Variants in BMPR1B observed in about 807,000 individuals in gnomAD.
BMPR1B encodes bone morphogenetic protein receptor type 1B, also known as bone morphogenetic protein receptor type-1B.
A neutral mutation model predicts 59.1 loss-of-function variants in BMPR1B; 12 were observed. That is an observed-to-expected ratio of 0.20 (90% confidence interval 0.13 to 0.33). The LOEUF (loss-of-function observed/expected upper bound fraction) is 0.33, where lower values mean the gene tolerates loss of function less well. Ranked by LOEUF, BMPR1B falls within the 10% of genes least tolerant of loss-of-function variation. BMPR1B has a pLI of 1.00. For missense variants in BMPR1B, 550 were observed against 610.9 expected, an observed-to-expected ratio of 0.90 and a Z score of 1.05; for synonymous variants, 237 against 207.3, an observed-to-expected ratio of 1.14 and a Z score of -1.23.
intron 6 of BMPR1B, among the ~76,000 whole-genome samples, chr4:95,121,338 G>GA (rs2149287709): frequency 6.6e-6 from 1 of 152,306 alleles, no homozygotes; most frequent in African/African-American, 2.4e-5. Context: ...TTCAGTTTAT[G>GA]TGTTCATGAT....
intron 6 of BMPR1B, among the ~76,000 whole-genome samples, chr4:95,119,355 A>G (rs1238137550): frequency 6.6e-6 from 1 of 152,164 alleles, no homozygotes; most frequent in African/African-American, 2.4e-5. Flanking sequence ...TGGTTGAGGT[A>G]TTATGATACC....
intron 2 of BMPR1B, among the ~76,000 whole-genome samples, chr4:94,946,409 TA>T (rs1447665826): frequency 6.6e-6 from 1 of 152,208 alleles, no homozygotes; most frequent in Non-Finnish European, 1.5e-5. Context: ...TACCAGTTTT[TA>T]TATATCACTT....
chr4:94,762,850 C>G (rs1442415085), intron 1 of BMPR1B, among the ~76,000 whole-genome samples: 3 of 141,408 alleles, frequency 2.1e-5, no homozygotes, highest in South Asian at 4.5e-4. Flanking sequence ...GTTGAATCAT[C>G]AGTTTTTGTT....
intron 4 of BMPR1B, among the ~76,000 whole-genome samples, chr4:95,113,088 A>G (rs1269802567): frequency 6.6e-6 from 1 of 152,132 alleles, no homozygotes; most frequent in African/African-American, 2.4e-5. Context: ...CACAGGTGTT[A>G]CTTGTTCATA....
rs59685015 is a variant in BMPR1B, at chr4:95,154,426, A to G, written c.1384-122A>G. 890 of 1,371,358 alleles carry G rather than the reference A, an allele frequency of 6.5e-4. 4 individuals carry two copies. The African/African-American group carries it at 0.012, about 18-fold the overall frequency. The allele number at this position is 1,371,358 out of a possible 1,614,324, so 84.9% of individuals were successfully genotyped here. On this transcript the variant is annotated intron_variant, in intron 12 of 12. Coordinates refer to ENST00000515059, the MANE Select transcript of BMPR1B (RefSeq NM_001203.3). ...AAAGCTTACAGAATTTTACTTCTAC[A>G]TGGTTTTAAGGGTACCTTTTAAAAA... is the stretch of plus-strand genomic sequence containing the variant.
intron 3 of BMPR1B, among the ~76,000 whole-genome samples, chr4:95,064,284 C>T (rs534559157): frequency 6.6e-6 from 1 of 152,310 alleles, no homozygotes; most frequent in South Asian, 2.1e-4. Context: ...AGGAACTGGC[C>T]ACACAGCAGG....
chr4:94,852,430 T>G (rs910161275), intron 1 of BMPR1B, among the ~76,000 whole-genome samples: 1 of 152,128 alleles, frequency 6.6e-6, no homozygotes, highest in Non-Finnish European at 1.5e-5. Context: ...ATTTATAGAT[T>G]AAAGAATCTA....
chr4:95,088,087 A>AC (rs1467857388), intron 3 of BMPR1B, among the ~76,000 whole-genome samples: 1 of 152,148 alleles, frequency 6.6e-6, no homozygotes, highest in Admixed American at 6.5e-5. Context: ...TATTACATTC[A>AC]CAGATTTTTC....
chr4:95,091,771 C>A, intron 3 of BMPR1B: 1 of 731,436 alleles, frequency 1.4e-6, no homozygotes, highest in Non-Finnish European at 1.7e-6. Context: ...GTGAAATAGA[C>A]TAATTCAAGG....
intron 3 of BMPR1B, among the ~76,000 whole-genome samples, chr4:95,048,591 A>T (rs750170155): frequency 1.3e-5 from 2 of 151,972 alleles, no homozygotes; most frequent in African/African-American, 4.8e-5. Context: ...GGCCTTTTGT[A>T]TGTCTTCTTT....
chr4:94,787,223 T>A (rs1722796184), intron 1 of BMPR1B, among the ~76,000 whole-genome samples: 1 of 152,084 alleles, frequency 6.6e-6, no homozygotes, highest in Admixed American at 6.5e-5. Flanking sequence ...ACGTAGAGGT[T>A]TTTTATTCCC....
chr4:95,010,839 T>A (rs1723170300), intron 3 of BMPR1B, among the ~76,000 whole-genome samples: 2 of 152,174 alleles, frequency 1.3e-5, no homozygotes, highest in Admixed American at 6.6e-5. Context: ...TTCTCTCTCC[T>A]ACTAGAAAGT....
intron 3 of BMPR1B, among the ~76,000 whole-genome samples, chr4:95,023,870 A>G (rs902800483): frequency 6.6e-6 from 1 of 152,214 alleles, no homozygotes; most frequent in Non-Finnish European, 1.5e-5. Flanking sequence ...ATAGGTTACA[A>G]GCTTTCACAT....
At chr4:94,766,481 A>G (rs1278389340) in intron 1 of BMPR1B, among the ~76,000 whole-genome samples, 2 of 151,008 alleles carry the variant, frequency 1.3e-5, no homozygotes, top group Non-Finnish European at 1.5e-5. Flanking sequence ...TACCCAGAAA[A>G]CGACTTCCAG....
chr4:94,827,345 A>T (rs890879852), intron 1 of BMPR1B, among the ~76,000 whole-genome samples: 4 of 152,204 alleles, frequency 2.6e-5, no homozygotes, highest in African/African-American at 9.6e-5. Context: ...GTTTATAAAA[A>T]GTGTATATAA....
At chr4:94,794,401 A>G (rs989957679) in intron 1 of BMPR1B, among the ~76,000 whole-genome samples, 5 of 151,282 alleles carry the variant, frequency 3.3e-5, no homozygotes, top group Non-Finnish European at 2.9e-5. Flanking sequence ...TACCAGTACC[A>G]TGCTGTTTTG....
chr4:94,972,129 T>C (rs1351663655), intron 2 of BMPR1B, among the ~76,000 whole-genome samples: 1 of 151,674 alleles, frequency 6.6e-6, no homozygotes, highest in Non-Finnish European at 1.5e-5. Context: ...GCTTATTTTT[T>C]CTACAATAAA....
chr4:95,079,322 C>CTT (rs1249959297), intron 3 of BMPR1B, among the ~76,000 whole-genome samples: 2 of 152,156 alleles, frequency 1.3e-5, no homozygotes, highest in South Asian at 4.1e-4. Flanking sequence ...CTCAAGAAAA[C>CTT]TTTATCACGT....
In BMPR1B at chr4:95,021,232, A is replaced by G. The variant is rs1723958550; in HGVS notation, c.-18+25098A>G. The stretch of plus-strand genomic sequence containing the variant: ...AGCTTTTTCTTTCAATTCCTACCAT[A>G]TTTATATTCAACATGGAAGAAAGTA... On this transcript the variant is annotated intron_variant, in intron 3 of 12. Coordinates refer to ENST00000515059, the MANE Select transcript of BMPR1B (RefSeq NM_001203.3). Among the ~76,000 whole-genome samples the G allele has an allele frequency of 2.0e-5, 3 of 152,274 alleles. No homozygotes were observed. In the South Asian group the frequency reaches 6.2e-4, roughly 32 times the overall value.
Sources: allele counts gnomAD v4.1 joint callset (sites outside exome capture counted in the v4.1 genomes callset), GRCh38; gene constraint gnomAD v4.1.1; transcripts MANE v1.5; gene names NCBI Gene and HGNC (gene_info 2026-07-23, HGNC 2026-07-21).